The following PLXDC2 variants were observed in gnomAD, a reference collection of about 807,000 sequenced individuals.
PLXDC2 encodes plexin domain containing 2.
Under a neutral mutation model 68.9 loss-of-function variants are expected in PLXDC2, and 40 were observed. The observed-to-expected ratio is 0.58, with a 90% CI of 0.45 to 0.76. The LOEUF is 0.76. Ranked by LOEUF, PLXDC2 falls within the 30% of genes least tolerant of loss-of-function variation. The pLI, the probability that PLXDC2 is intolerant of heterozygous loss-of-function variation, is 0.00. For missense variants in PLXDC2, 644 were observed against 661.9 expected (o/e 0.97, Z 0.30); for synonymous variants, 243 against 234.2 (o/e 1.04, Z -0.34).
At chr10:20,117,747 G>A (rs987312373) in intron 4 of PLXDC2, among the ~76,000 whole-genome samples, 2 of 152,184 alleles carry the variant, frequency 1.3e-5, no homozygotes, top group Non-Finnish European at 2.9e-5. Flanking sequence ...AGTAATTGCA[G>A]TGCTTCCTAA....
At chr10:20,254,333 G>T (rs1835715934) in intron 13 of PLXDC2, among the ~76,000 whole-genome samples, 1 of 152,198 alleles carries the variant, frequency 6.6e-6, no homozygotes. Context: ...AAAAGCATTT[G>T]CTAAGAGTTT....
chr10:19,864,884 G>A (rs1837385029), intron 1 of PLXDC2, among the ~76,000 whole-genome samples: 1 of 152,124 alleles, frequency 6.6e-6, no homozygotes, highest in African/African-American at 2.4e-5. Context: ...GAGTCAAACG[G>A]GGCTTCCTCC....
At chr10:19,869,481 AG>A (rs1837491970) in intron 1 of PLXDC2, among the ~76,000 whole-genome samples, 1 of 13,374 alleles carries the variant, frequency 7.5e-5, no homozygotes, top group Non-Finnish European at 1.3e-4. Context: ...GGGGGGGGGG[AG>A]AGGGTGGGAG....
intron 1 of PLXDC2, among the ~76,000 whole-genome samples, chr10:19,890,843 G>T (rs1837946880): frequency 6.6e-6 from 1 of 151,968 alleles, no homozygotes; most frequent in Non-Finnish European, 1.5e-5. Context: ...TATAACTAAT[G>T]TATTTCTCTC....
chr10:19,871,048 C>G (rs1311186766), intron 1 of PLXDC2, among the ~76,000 whole-genome samples: 1 of 152,176 alleles, frequency 6.6e-6, no homozygotes, highest in Admixed American at 6.5e-5. Context: ...CCATTAGGAA[C>G]TGATTTAATG....
intron 4 of PLXDC2, among the ~76,000 whole-genome samples, chr10:20,068,951 T>G (rs896870956): frequency 6.6e-6 from 1 of 152,130 alleles, no homozygotes; most frequent in Admixed American, 6.5e-5. Context: ...GGAATATCCC[T>G]GTAGGCTTTA....
At chr10:20,266,172 C>T (rs1835869822) in intron 13 of PLXDC2, among the ~76,000 whole-genome samples, 1 of 152,092 alleles carries the variant, frequency 6.6e-6, no homozygotes, top group African/African-American at 2.4e-5. Flanking sequence ...AATCAATGGA[C>T]TGGGTGTGTT....
intron 1 of PLXDC2, among the ~76,000 whole-genome samples, chr10:19,869,589 A>G (rs1276155479): frequency 3.3e-5 from 5 of 151,908 alleles, no homozygotes; most frequent in Non-Finnish European, 7.4e-5. Flanking sequence ...TCTTGTGAGG[A>G]TTAAATTAAA....
rs1323905428 is a variant in PLXDC2, at chr10:20,217,462, G to C, written c.1159G>C (p.Glu387Gln). The change falls in exon 11 of 14, where the codon GAA becomes CAA. Residue 387 changes from glutamate (E) to glutamine (Q), a missense_variant. Coordinates refer to ENST00000377252, the MANE Select transcript of PLXDC2 (RefSeq NM_032812.9). ...EKMCENTEPVETSSRTTTTVG... is the reference protein window; with the variant it reads ...EKMCENTEPVQTSSRTTTTVG... ...GATGTGTGAGAATACAGAACCAGTG[G>C]AAACTTCTTCTCGAACCACCACAAC... The C allele has an allele frequency of 6.2e-7, 1 of 1,612,386 alleles. No homozygotes were observed. The highest frequency in any genetic ancestry group is 8.5e-7 in the Non-Finnish European group (1 of 1,179,124).
At chr10:19,888,763 G>T (rs1837893975) in intron 1 of PLXDC2, among the ~76,000 whole-genome samples, 1 of 152,152 alleles carries the variant, frequency 6.6e-6, no homozygotes, top group Non-Finnish European at 1.5e-5. Context: ...GAGATGTGCA[G>T]AGGGGTAGGG....
At chr10:19,964,764 CT>C (rs1430481513) in intron 1 of PLXDC2, among the ~76,000 whole-genome samples, 49 of 152,064 alleles carry the variant, frequency 3.2e-4, no homozygotes, top group Non-Finnish European at 1.5e-5. Context: ...TCACTATCTC[CT>C]AACCTTAGCA....
intron 4 of PLXDC2, among the ~76,000 whole-genome samples, chr10:20,069,408 G>C (rs1836278119): frequency 6.6e-6 from 1 of 152,118 alleles, no homozygotes; most frequent in Non-Finnish European, 1.5e-5. Flanking sequence ...CATACCTGTA[G>C]CTACTTTGGA....
At chr10:20,247,147 C>T (rs1398262983) in intron 13 of PLXDC2, among the ~76,000 whole-genome samples, 1 of 151,896 alleles carries the variant, frequency 6.6e-6, no homozygotes, top group East Asian at 1.9e-4. Context: ...AGACATTGCT[C>T]ATTCTAGTTC....
chr10:20,271,132 G>GACACACACACATACACACACAC lies in PLXDC2; in HGVS notation c.1474-8560_1474-8559insTACACACACACACACACACACA, dbSNP rs372504677. Among the ~76,000 whole-genome samples the GACACACACACATACACACACAC allele has an allele frequency of 3.3e-3, 318 of 97,844 alleles. 3 individuals carry two copies. Among genetic ancestry groups the GACACACACACATACACACACAC allele is most frequent in the African/African-American group, 7.3e-3 (223 of 30,536 alleles). The allele number at this position is 97,844 out of a possible 152,430, so 64.2% of individuals were successfully genotyped here. On this transcript the variant is annotated intron_variant, in intron 13 of 13. Transcript: ENST00000377252. The stretch of plus-strand genomic sequence containing the variant: ...AGGGGACCGTTTAAGACAAAAAACA[G>GACACACACACATACACACACAC]ACACACACACACACACACACACACA...
At chr10:20,127,107 G>A (rs1833803192) in intron 4 of PLXDC2, among the ~76,000 whole-genome samples, 1 of 151,904 alleles carries the variant, frequency 6.6e-6, no homozygotes, top group African/African-American at 2.4e-5. Context: ...AAGAAGGAAG[G>A]AATAGACTCT....
chr10:20,263,539 G>A (rs1034754852), intron 13 of PLXDC2, among the ~76,000 whole-genome samples: 1 of 152,162 alleles, frequency 6.6e-6, no homozygotes, highest in Non-Finnish European at 1.5e-5. Context: ...CTTCTGCACA[G>A]CAAAAGGAAC....
intron 3 of PLXDC2, among the ~76,000 whole-genome samples, chr10:20,065,775 C>T (rs1836198452): frequency 6.6e-6 from 1 of 152,198 alleles, no homozygotes; most frequent in South Asian, 2.1e-4. Context: ...CTATGAGAAT[C>T]TAATGCTGCC....
intron 4 of PLXDC2, among the ~76,000 whole-genome samples, chr10:20,076,791 CTT>C (rs1216029678): frequency 1.3e-5 from 2 of 152,104 alleles, no homozygotes; most frequent in Non-Finnish European, 2.9e-5. Flanking sequence ...ATGTAAATAA[CTT>C]GGGATGTCCG....
intron 2 of PLXDC2, among the ~76,000 whole-genome samples, chr10:20,021,212 G>A (rs1835302390): frequency 6.8e-6 from 1 of 147,434 alleles, no homozygotes; most frequent in Admixed American, 6.8e-5. Context: ...TTGTTTGTTT[G>A]TTTTTGTTTT....
Sources: gnomAD v4.1 joint callset for allele counts (sites outside exome capture counted in the v4.1 genomes callset) on GRCh38, gnomAD v4.1.1 for gene constraint, MANE v1.5 for transcripts, NCBI Gene and HGNC (gene_info 2026-07-23, HGNC 2026-07-21) for gene names.